Variants in SMNDC1 observed in about 807,000 individuals in gnomAD.
The protein encoded by SMNDC1 is survival of motor neuron-related-splicing factor 30.
SMNDC1 carries 5 observed loss-of-function variants against 29.2 expected under a neutral mutation model. The observed-to-expected ratio is 0.17, with a 90% confidence interval of 0.09 to 0.36. The LOEUF (loss-of-function observed/expected upper bound fraction) is 0.36. SMNDC1 is among the 10% of genes least tolerant of loss of function. SMNDC1 has a pLI of 1.00. For synonymous variants in SMNDC1, 80 were observed against 89.9 expected (o/e 0.89, Z 0.62); for missense variants, 142 against 268.5 (o/e 0.53, Z 3.29).
At chr10:110,294,551 T>G (rs1590425288) in intron 5 of SMNDC1, among the ~76,000 whole-genome samples, 1 of 152,224 alleles carries the variant, frequency 6.6e-6, no homozygotes, top group African/African-American at 2.4e-5. Context: ...TTTAGTTTTG[T>G]AAACGCAAAT....
rs1434814006 is a variant in SMNDC1, at chr10:110,291,127, T to G, written c.*3023A>C. ...TCATGATTAGGCTAAAAGGTAATTTTTCTTCATTTCCAAAGTCAAACTTTT... is the reference window on the plus strand; with the variant it reads ...TCATGATTAGGCTAAAAGGTAATTTGTCTTCATTTCCAAAGTCAAACTTTT... On this transcript the variant is annotated 3_prime_UTR_variant, in exon 6 of 6. Transcript: ENST00000369603. 1.3e-5 allele frequency: 2 copies of G among 152,202 alleles called. No homozygotes were observed. The highest frequency in any genetic ancestry group is 4.8e-5 in the African/African-American group (2 of 41,428). The allele number at this position is 152,202 out of a possible 1,614,324, so 9.4% of individuals were successfully genotyped here. A position where few individuals can be genotyped will look rare whatever the true frequency, so the allele number is the denominator to read the frequency against.
At chr10:110,294,408 C>A (rs1857538100) in intron 5 of SMNDC1, 121 bp from the exon 6 acceptor site, 1 of 830,138 alleles carries the variant, frequency 1.2e-6, no homozygotes, top group African/African-American at 1.8e-5. Context: ...AAACATATTG[C>A]CTTTGTTTAG....
chr10:110,294,305 G>C lies in SMNDC1; in HGVS notation c.580-18C>G, dbSNP rs111625781. The C allele has an allele frequency of 1.3e-6, 2 of 1,559,358 alleles. No individual in the cohort carries two copies. The highest frequency in any genetic ancestry group is 2.8e-5 in the African/African-American group (2 of 71,138). On this transcript the variant is annotated intron_variant, in intron 5 of 5. Coordinates refer to ENST00000369603, the MANE Select transcript of SMNDC1 (RefSeq NM_005871.4). ...CTCTTTACCTAAGGGAAAGAAAACA[G>C]AAATCATTCCTGATTAGTGTTGGAA...
chr10:110,294,861 G>A (rs1857543176), intron 5 of SMNDC1, among the ~76,000 whole-genome samples: 1 of 152,140 alleles, frequency 6.6e-6, no homozygotes, highest in Non-Finnish European at 1.5e-5. Flanking sequence ...GTGTATCAAG[G>A]GAAACTGAAT....
At position 110,294,091 on chromosome 10, in the gene SMNDC1, A is replaced by T; in HGVS notation, c.*59T>A. ...ACAAATAATTTACCTTTAGAAAAAT[A>T]TAAGGATAAAAAGGTAAATGTAAAG... On this transcript the variant is annotated 3_prime_UTR_variant, in exon 6 of 6. Transcript: ENST00000369603. 7.5e-7 allele frequency: 1 copy of T among 1,338,830 alleles called. No homozygotes were observed. Among genetic ancestry groups the T allele is most frequent in the Non-Finnish European group, 9.9e-7 (1 of 1,009,506 alleles). 82.9% of individuals were successfully genotyped at this position (1,338,830 alleles called of 1,614,324 possible). A position where few individuals can be genotyped will look rare whatever the true frequency, so the allele number is the denominator to read the frequency against.
At chr10:110,301,502 T>A (rs1435084641) in intron 2 of SMNDC1, among the ~76,000 whole-genome samples, 1 of 152,246 alleles carries the variant, frequency 6.6e-6, no homozygotes, top group African/African-American at 2.4e-5. Context: ...AAAAACATTC[T>A]GTTATTACTA....
chr10:110,296,338 T>C (rs1857562389), intron 4 of SMNDC1, among the ~76,000 whole-genome samples: 1 of 152,154 alleles, frequency 6.6e-6, no homozygotes, highest in Non-Finnish European at 1.5e-5. Context: ...CCCGGTACCA[T>C]ATTACCACCA....
At chr10:110,295,458 CA>C (rs562935552) in intron 4 of SMNDC1, 77 bp from the exon 5 acceptor site, 10,454 of 968,398 alleles carry the variant, frequency 0.011, no homozygotes, top group South Asian at 0.016. Flanking sequence ...ACCGGCAGTG[CA>C]AAAAAAAAAT....
intron 4 of SMNDC1, among the ~76,000 whole-genome samples, chr10:110,296,440 TAATA>T (rs1304746502): frequency 6.6e-6 from 1 of 152,210 alleles, no homozygotes; most frequent in Non-Finnish European, 1.5e-5. Context: ...ATGCTTACAT[TAATA>T]TATAATTTTT....
At chr10:110,303,705 C>G in intron 1 of SMNDC1, 118 bp from the exon 2 acceptor site, 1 of 906,542 alleles carries the variant, frequency 1.1e-6, no homozygotes. Flanking sequence ...TCTAACACTG[C>G]AGCTTAATTT....
chr10:110,297,827 T>C (rs577141528), intron 3 of SMNDC1, 99 bp from the exon 4 acceptor site: 2 of 1,047,630 alleles, frequency 1.9e-6, no homozygotes, highest in East Asian at 5.2e-5. Flanking sequence ...GTGTCTATAA[T>C]GAAACTTCTA....
At chr10:110,299,004 T>C (rs553159344) in intron 2 of SMNDC1, among the ~76,000 whole-genome samples, 1 of 152,188 alleles carries the variant, frequency 6.6e-6, no homozygotes, top group Non-Finnish European at 1.5e-5. Context: ...CTTAAGCCCA[T>C]ATAGTTGCCT....
rs1857720423 is a variant in SMNDC1, at chr10:110,304,775, G to C, written c.-28C>G. ...TGTGTGGGGCTGGGGGCGGGGCGGC[G>C]GGAAGGGGTCGGGGCAAATGAGCCC... On this transcript the variant is annotated 5_prime_UTR_variant, in exon 1 of 6. Transcript: ENST00000369603. 6.6e-6 allele frequency: 1 copy of C among 152,596 alleles called. No individual in the cohort carries two copies. Among genetic ancestry groups the C allele is most frequent in the South Asian group, 2.1e-4 (1 of 4,850 alleles). The allele number at this position is 152,596 out of a possible 1,614,324, so 9.5% of individuals were successfully genotyped here. A position where few individuals can be genotyped will look rare whatever the true frequency, so the allele number is the denominator to read the frequency against.
intron 2 of SMNDC1, among the ~76,000 whole-genome samples, chr10:110,302,972 T>C (rs962944): frequency 0.01 from 1,533 of 152,328 alleles, 20 homozygotes; most frequent in East Asian, 0.026. Flanking sequence ...TTGTCTCTCT[T>C]TAGGCATTTT....
At chr10:110,302,210 T>C (rs1289854003) in intron 2 of SMNDC1, among the ~76,000 whole-genome samples, 1 of 152,170 alleles carries the variant, frequency 6.6e-6, no homozygotes, top group Non-Finnish European at 1.5e-5. Context: ...GCAAATCAAA[T>C]GGACAGGTGG....
At chr10:110,297,752 G>T (rs1198982919) in intron 3 of SMNDC1, 24 bp from the exon 4 acceptor site, 1 of 1,608,944 alleles carries the variant, frequency 6.2e-7, no homozygotes, top group East Asian at 2.2e-5. Context: ...ATGGCTGTAA[G>T]CAGGTGAGTA....
chr10:110,303,228 T>C (rs1340768900), intron 2 of SMNDC1, among the ~76,000 whole-genome samples: 1 of 152,250 alleles, frequency 6.6e-6, no homozygotes, highest in African/African-American at 2.4e-5. Context: ...CTATCAACTT[T>C]AGTTTTTAAA....
At chr10:110,294,375 G>A in intron 5 of SMNDC1, 88 bp from the exon 6 acceptor site, 1 of 1,111,620 alleles carries the variant, frequency 9.0e-7, no homozygotes, top group Non-Finnish European at 1.2e-6. Context: ...AATATATTCT[G>A]GTTTCAACGT....
chr10:110,299,101 A>C (rs1290110457), intron 2 of SMNDC1, among the ~76,000 whole-genome samples: 1 of 152,184 alleles, frequency 6.6e-6, no homozygotes, highest in East Asian at 1.9e-4. Flanking sequence ...AGCTGAATAG[A>C]TCTCTCTAAA....
Sources: allele counts gnomAD v4.1 joint callset (sites outside exome capture counted in the v4.1 genomes callset), GRCh38; gene constraint gnomAD v4.1.1; transcripts MANE v1.5; gene names NCBI Gene and HGNC (gene_info 2026-07-23, HGNC 2026-07-21).